Variants in ABCC8 observed in about 807,000 individuals in gnomAD.
ABCC8 encodes ATP-binding cassette sub-family C member 8.
ABCC8 carries 137 observed loss-of-function variants against 188.0 expected under a neutral mutation model. The ratio of observed to expected loss-of-function variants is 0.73; its 90% CI spans 0.63 to 0.84. ABCC8 has a LOEUF of 0.84. Among genes scored for constraint, ABCC8 ranks in the 40% least tolerant of loss-of-function variants. The pLI is 0.00. For missense variants in ABCC8, 1,750 were observed against 2,072.7 expected (o/e 0.84, Z 3.02); for synonymous variants, 797 against 846.5 (o/e 0.94, Z 1.01).
At chr11:17,451,019 T>C (rs1956796883) in intron 7 of ABCC8, among the ~76,000 whole-genome samples, 1 of 152,164 alleles carries the variant, frequency 6.6e-6, no homozygotes, top group Non-Finnish European at 1.5e-5. Flanking sequence ...AATGCCAGTA[T>C]TTGCTTTTTG....
chr11:17,463,027 G>T (rs1847919864), intron 4 of ABCC8, among the ~76,000 whole-genome samples: 1 of 152,174 alleles, frequency 6.6e-6, no homozygotes, highest in African/African-American at 2.4e-5. Flanking sequence ...GAGGAAGAGA[G>T]AGGGAGGCGG....
intron 7 of ABCC8, among the ~76,000 whole-genome samples, chr11:17,449,487 T>C (rs1376802743): frequency 2.6e-5 from 4 of 152,094 alleles, no homozygotes; most frequent in African/African-American, 9.7e-5. Flanking sequence ...CCCAGCACCA[T>C]CCCCAGAGTG....
intron 10 of ABCC8, among the ~76,000 whole-genome samples, chr11:17,432,512 C>A (rs1028569733): frequency 2.0e-5 from 3 of 152,156 alleles, no homozygotes; most frequent in African/African-American, 7.2e-5. Context: ...GTTAGCCCCA[C>A]GGGAAAGTGG....
rs747928876 is a variant in ABCC8 at position 17,393,716 on chromosome 11, C to T, written c.4589G>A (p.Arg1530His). The T allele has an allele frequency of 1.1e-5, 18 of 1,614,088 alleles. No homozygotes were observed. The highest frequency in any genetic ancestry group is 3.3e-5 in the Admixed American group (2 of 60,012). ...CCTTACCGCGATGGTGACCACAGTG[C>T]GGTCTGCGAAGGCTGTCATCACCAC... ...QKVVMTAFAD[R>H]TVVTIAHRVH... Residue 1530 changes from arginine to histidine, a missense_variant, in exon 38 of 39, where the codon CGC (arginine) becomes CAC (histidine). Arg to His is a conservative substitution (Grantham distance 29, BLOSUM62 0). Coordinates refer to ENST00000389817, the MANE Select transcript of ABCC8 (RefSeq NM_000352.6).
intron 20 of ABCC8, 136 bp downstream of exon 20, chr11:17,413,258 T>C: frequency 7.4e-7 from 1 of 1,359,248 alleles, no homozygotes; most frequent in Non-Finnish European, 1.0e-6. Context: ...AACAACATGT[T>C]TGACCTTACT....
chr11:17,448,341 C>T (rs1956619950), intron 8 of ABCC8, 175 bp downstream of exon 8: 2 of 656,200 alleles, frequency 3.0e-6, no homozygotes, highest in Non-Finnish European at 5.6e-6. Flanking sequence ...TCAGTGCTTG[C>T]AGAGTATGGG....
chr11:17,434,984 C>CGCGTGTGTGTGTGTGTGTGT (rs71457876), intron 10 of ABCC8, among the ~76,000 whole-genome samples: 4 of 144,648 alleles, frequency 2.8e-5, no homozygotes, highest in Non-Finnish European at 4.5e-5. Flanking sequence ...CGTGTGTTCG[C>CGCGTGTGTGTGTGTGTGTGT]GTGTGTGTGT....
At chr11:17,430,604 G>A in intron 12 of ABCC8, 2 of 674,890 alleles carry the variant, frequency 3.0e-6, no homozygotes, top group East Asian at 5.2e-5. Flanking sequence ...CTCCTGGGAG[G>A]TATGTAAGCA....
At chr11:17,466,828 G>A (rs1197039303) in intron 3 of ABCC8, among the ~76,000 whole-genome samples, 4 of 151,884 alleles carry the variant, frequency 2.6e-5, no homozygotes, top group Non-Finnish European at 4.4e-5. Flanking sequence ...ACCACGCCCA[G>A]CTAATTTTTA....
rs544081798 is a variant in ABCC8 at position 17,406,840 on chromosome 11, C to T, written c.3162+48G>A. ...TTCCAGGGTGCCCATGGGCTCAGCC[C>T]TTCCCCCATCCCCACTCCCAACCTC... On this transcript the variant is annotated intron_variant, in intron 25 of 38. Coordinates refer to ENST00000389817, the MANE Select transcript of ABCC8 (RefSeq NM_000352.6). 1.1e-5 allele frequency: 18 copies of T among 1,614,182 alleles called. No homozygotes were observed. The East Asian group carries it at 4.0e-4, about 36-fold the overall frequency.
At chr11:17,422,830 C>T (rs1467679810) in intron 16 of ABCC8, among the ~76,000 whole-genome samples, 2 of 152,162 alleles carry the variant, frequency 1.3e-5, no homozygotes, top group Non-Finnish European at 2.9e-5. Flanking sequence ...CCCATGCATC[C>T]AGTGTTCCAG....
In ABCC8 at chr11:17,406,868, C is replaced by T; in HGVS notation, c.3162+20G>A. The T allele has an allele frequency of 1.9e-6, 3 of 1,614,160 alleles. No homozygotes were observed. The highest frequency in any genetic ancestry group is 2.5e-6 in the Non-Finnish European group (3 of 1,180,052). On this transcript the variant is annotated intron_variant, in intron 25 of 38. Transcript: ENST00000389817. The stretch of plus-strand genomic sequence containing the variant: ...CCCCCATCCCCACTCCCAACCTCTG[C>T]CATGGGCCGCCAGTCACACCTGGCT...
Position 17,474,885 on chromosome 11 carries a change from C to T in ABCC8, c.290+1G>A, listed in dbSNP as rs2133728249. Reference sequence around the variant, plus strand: ...TCCTGAGTCCTCAGACAGTCACTCACCCATCAGACAGGATGCCCTCTGCAA... The same window carrying T: ...TCCTGAGTCCTCAGACAGTCACTCATCCATCAGACAGGATGCCCTCTGCAA... On this transcript the variant is annotated splice_donor_variant, in intron 2 of 38. Transcript: ENST00000389817. LOFTEE classifies it high-confidence loss of function. 1 of 1,614,136 alleles carries T rather than the reference C, an allele frequency of 6.2e-7. No homozygotes were observed. Among genetic ancestry groups the T allele is most frequent in the Middle Eastern group, 1.7e-4 (1 of 6,060 alleles).
chr11:17,470,201 C>G lies in ABCC8; in HGVS notation c.312G>C (p.Leu104=). 1 of 1,614,152 alleles carries G rather than the reference C, an allele frequency of 6.2e-7. No homozygotes were observed. Among genetic ancestry groups the G allele is most frequent in the Non-Finnish European group, 8.5e-7 (1 of 1,180,026 alleles). ...LSDGVTESHH[L]HLYMPAGMAF... The stretch of plus-strand genomic sequence containing the variant: ...CCATCCCGGCTGGCATGTACAGGTG[C>G]AGATGGTGGGATTCGGTCACCCTGA... The change falls in exon 3 of 39, where the codon CTG becomes CTC. Residue 104 remains leucine, a synonymous_variant. Transcript: ENST00000389817.
chr11:17,453,923 A>C (rs771431815), intron 6 of ABCC8, among the ~76,000 whole-genome samples: 13 of 152,194 alleles, frequency 8.5e-5, no homozygotes, highest in Non-Finnish European at 4.4e-5. Context: ...CAACCAGTGA[A>C]GAAAAACAAA....
chr11:17,430,211 G>T (rs1428505968), intron 12 of ABCC8: 1 of 162,146 alleles, frequency 6.2e-6, no homozygotes, highest in African/African-American at 2.4e-5. Context: ...CTACCTTCAG[G>T]CTTTCATTCC....
At chr11:17,402,524 C>T (rs900263957) in intron 29 of ABCC8, 137 bp downstream of exon 29, 2 of 1,552,040 alleles carry the variant, frequency 1.3e-6, no homozygotes, top group South Asian at 1.2e-5. Flanking sequence ...TCCCTTGGGC[C>T]TTGGGACCTG....
intron 31 of ABCC8, 120 bp downstream of exon 31, chr11:17,397,564 G>T: frequency 1.4e-6 from 2 of 1,447,864 alleles, no homozygotes; most frequent in Non-Finnish European, 1.9e-6. Context: ...CTGTCCCTCT[G>T]GCATCAGATG....
chr11:17,475,179 G>A (rs987936315), intron 1 of ABCC8, 152 bp from the exon 2 acceptor site: 5 of 1,177,158 alleles, frequency 4.2e-6, no homozygotes, highest in South Asian at 2.7e-5. Flanking sequence ...CAAACTAAAC[G>A]TCCAACTCAT....
Sources: allele counts gnomAD v4.1 joint callset (sites outside exome capture counted in the v4.1 genomes callset), GRCh38; gene constraint gnomAD v4.1.1; transcripts MANE v1.5; gene names NCBI Gene and HGNC (gene_info 2026-07-23, HGNC 2026-07-21).